The following PRLR variants were observed in gnomAD, a reference collection of about 807,000 sequenced individuals.
PRLR encodes the protein prolactin receptor.
A neutral mutation model predicts 40.2 loss-of-function variants in PRLR; 13 were observed. The ratio of observed to expected loss-of-function variants is 0.32; its 90% CI spans 0.21 to 0.51. The LOEUF is 0.51. Among genes scored for constraint, PRLR ranks in the 20% least tolerant of loss-of-function variants. The pLI is 0.97. For missense variants in PRLR, 656 were observed against 747.3 expected (o/e 0.88, Z 1.42); for synonymous variants, 269 against 278.7 (o/e 0.97, Z 0.35).
downstream of PRLR, among the ~76,000 whole-genome samples, chr5:35,054,836 G>C (rs76711651): frequency 2.7e-3 from 418 of 152,286 alleles, 18 homozygotes; most frequent in East Asian, 0.072. Context: ...TTTAGGGATA[G>C]ATAAATATGA....
chr5:35,110,029 A>C (rs1772551655), intron 2 of PRLR, among the ~76,000 whole-genome samples: 1 of 152,232 alleles, frequency 6.6e-6, no homozygotes, highest in Non-Finnish European at 1.5e-5. Context: ...ATGGAATACT[A>C]TGCAGCCATA....
chr5:35,071,767 T>C (rs1359360744), intron 6 of PRLR, among the ~76,000 whole-genome samples: 1 of 152,016 alleles, frequency 6.6e-6, no homozygotes, highest in Non-Finnish European at 1.5e-5. Flanking sequence ...CTGGCTAAGT[T>C]TTTTGTATCT....
intron 5 of PRLR, among the ~76,000 whole-genome samples, chr5:35,083,809 C>T (rs995170074): frequency 2.2e-5 from 3 of 135,066 alleles, no homozygotes; most frequent in South Asian, 2.5e-4. Flanking sequence ...TGAGGCACCG[C>T]GCCCAGCCTA....
At chr5:35,166,553 G>A (rs747117200) in intron 1 of PRLR, among the ~76,000 whole-genome samples, 1 of 152,116 alleles carries the variant, frequency 6.6e-6, no homozygotes, top group Non-Finnish European at 1.5e-5. Context: ...GGATGGTTGA[G>A]CCTTTGGACT....
chr5:35,065,326 C>G lies in PRLR; in HGVS notation c.1632G>C (p.Lys544Asn), dbSNP rs778653370. 1 of 1,614,154 alleles carries G rather than the reference C, an allele frequency of 6.2e-7. No individual in the cohort carries two copies. The highest frequency in any genetic ancestry group is 1.7e-5 in the Admixed American group (1 of 60,020). ...PKKPGTPENN[K>N]EYAKVSGVMD... ...TGACCCCGGACACCTTGGCATACTC[C>G]TTATTGTTCTCAGGAGTCCCGGGCT... The change falls in exon 10 of 10, where the codon AAG (lysine) becomes AAC (asparagine). Residue 544 changes from lysine to asparagine, a missense_variant. Transcript: ENST00000618457.
intron 1 of PRLR, among the ~76,000 whole-genome samples, chr5:35,175,062 A>G (rs187994136): frequency 1.3e-5 from 2 of 152,312 alleles, no homozygotes; most frequent in East Asian, 3.9e-4. Flanking sequence ...ACGTATCCCA[A>G]TTAAAGATAA....
intron 9 of PRLR, among the ~76,000 whole-genome samples, chr5:35,067,325 T>G (rs1249278984): frequency 2.0e-5 from 3 of 152,208 alleles, no homozygotes; most frequent in Non-Finnish European, 4.4e-5. Flanking sequence ...CAGGTTAAAT[T>G]GTGAGCTGGA....
chr5:35,103,308 C>T (rs1337470296), intron 2 of PRLR, among the ~76,000 whole-genome samples: 1 of 152,182 alleles, frequency 6.6e-6, no homozygotes, highest in Non-Finnish European at 1.5e-5. Context: ...AAGGCTCTCT[C>T]TTTTTCTTAA....
rs1769041357 is a variant in PRLR, at chr5:35,061,603, A to C, written c.*3486T>G. On this transcript the variant is annotated 3_prime_UTR_variant, in exon 10 of 10. Transcript: ENST00000618457. ...CTGTTATATAGCTAATAAATGTAGGATCTGTTAAATATCTGACACAGCTGA... is the reference window on the plus strand; with the variant it reads ...CTGTTATATAGCTAATAAATGTAGGCTCTGTTAAATATCTGACACAGCTGA... 2.0e-5 allele frequency: 3 copies of C among 152,194 alleles called. No individual in the cohort carries two copies. The highest frequency in any genetic ancestry group is 6.5e-5 in the Admixed American group (1 of 15,280). The allele number at this position is 152,194 out of a possible 1,614,324, so 9.4% of individuals were successfully genotyped here.
At chr5:35,183,831 T>C (rs1468549839) in intron 1 of PRLR, among the ~76,000 whole-genome samples, 1 of 152,234 alleles carries the variant, frequency 6.6e-6, no homozygotes, top group Non-Finnish European at 1.5e-5. Context: ...GGTGTATCTG[T>C]GAGAAAACCA....
intron 2 of PRLR, among the ~76,000 whole-genome samples, chr5:35,108,536 T>C (rs1461670040): frequency 2.6e-5 from 4 of 152,166 alleles, no homozygotes; most frequent in Non-Finnish European, 5.9e-5. Flanking sequence ...ACAAAATCAA[T>C]GTGCAAAAAT....
chr5:35,214,720 C>T lies in PRLR; in HGVS notation c.-106+15548G>A, dbSNP rs549787213. Among the ~76,000 whole-genome samples, 347 of 152,328 alleles carry T rather than the reference C, an allele frequency of 2.3e-3. 2 individuals are homozygous for T. The highest frequency in any genetic ancestry group is 0.02 in the South Asian group (96 of 4,822). ...ATATCACATAGCTGACTCCATCTTG[C>T]TTCTAACCTCACAGGCTAACTGCCT... On this transcript the variant is annotated intron_variant, in intron 1 of 9. Transcript: ENST00000618457.
chr5:35,157,863 G>A (rs1206326163), intron 1 of PRLR, among the ~76,000 whole-genome samples: 1 of 152,130 alleles, frequency 6.6e-6, no homozygotes, highest in Non-Finnish European at 1.5e-5. Flanking sequence ...ACTTTTTTGT[G>A]TGTGTTCCAG....
intron 7 of PRLR, among the ~76,000 whole-genome samples, chr5:35,069,524 G>T (rs768200616): frequency 3.9e-5 from 6 of 152,188 alleles, no homozygotes; most frequent in Non-Finnish European, 8.8e-5. Context: ...ACTTTGCTGA[G>T]GTTTGGTTTC....
At position 35,063,260 on chromosome 5, in the gene PRLR, G is replaced by A. The variant is rs1430293331; in HGVS notation, c.*1829C>T. ...TGCTTTTGCCATTCTCAAAACATTG[G>A]CAATGTGTTCACTTTCAAACAGGAG... On this transcript the variant is annotated 3_prime_UTR_variant, in exon 10 of 10. Transcript: ENST00000618457. The A allele has an allele frequency of 6.6e-6, 1 of 152,144 alleles. No homozygotes were observed. Among genetic ancestry groups the A allele is most frequent in the African/African-American group, 2.4e-5 (1 of 41,416 alleles). The allele number at this position is 152,144 out of a possible 1,614,324, so 9.4% of individuals were successfully genotyped here.
intron 1 of PRLR, among the ~76,000 whole-genome samples, chr5:35,197,242 T>C (rs1775761566): frequency 6.6e-6 from 1 of 152,212 alleles, no homozygotes. Context: ...AATGGGAAAG[T>C]GAGGCCAGAT....
At chr5:35,150,894 G>A (rs1323196217) in intron 1 of PRLR, among the ~76,000 whole-genome samples, 4 of 152,132 alleles carry the variant, frequency 2.6e-5, no homozygotes, top group Non-Finnish European at 4.4e-5. Flanking sequence ...GTGTTTTGGC[G>A]GGGAGCAGCT....
chr5:35,186,147 T>A (rs1775423633), intron 1 of PRLR, among the ~76,000 whole-genome samples: 1 of 152,086 alleles, frequency 6.6e-6, no homozygotes, highest in Non-Finnish European at 1.5e-5. Flanking sequence ...AGACTTTGTA[T>A]GAAAAAGGGA....
intron 2 of PRLR, among the ~76,000 whole-genome samples, chr5:35,115,281 G>A (rs1011566702): frequency 6.6e-6 from 1 of 152,126 alleles, no homozygotes; most frequent in Non-Finnish European, 1.5e-5. Flanking sequence ...AATTTGTCCT[G>A]TGTCCCAATC....
Sources: gnomAD v4.1 joint callset for allele counts (sites outside exome capture counted in the v4.1 genomes callset) on GRCh38, gnomAD v4.1.1 for gene constraint, MANE v1.5 for transcripts, NCBI Gene and HGNC (gene_info 2026-07-23, HGNC 2026-07-21) for gene names.